MCTP2: variants seen among roughly 807,000 people sequenced by gnomAD.
The protein encoded by MCTP2 is multiple C2 and transmembrane domain containing 2.
A neutral mutation model predicts 111.6 loss-of-function variants in MCTP2; 132 were observed. The observed-to-expected ratio is 1.18, with a 90% CI of 1.03 to 1.37. The LOEUF is 1.37. Among genes scored for constraint, MCTP2 ranks in the 40% most tolerant of loss-of-function variants. The pLI is 0.00. For synonymous variants in MCTP2, 395 were observed against 387.7 expected (o/e 1.02, Z -0.22); for missense variants, 1,183 against 1,067.9 (o/e 1.11, Z -1.50).
Position 94,236,377 on chromosome 15 carries a change from C to CTTT in MCTP2, c.-66+4739_-66+4741dup, listed in dbSNP as rs71132992. On this transcript the variant is annotated intron_variant, in intron 1 of 22. Coordinates refer to ENST00000357742, the MANE Select transcript of MCTP2 (RefSeq NM_001385001.1). ...TATGATTCAATCCTTTCTTTTTTTT[C>CTTT]TTTTTTTTTTTTTTTTTTTTTTTTT... Among the ~76,000 whole-genome samples, 144 of 72,508 alleles carry CTTT rather than the reference C, an allele frequency of 2.0e-3. 11 individuals carry two copies. The highest frequency in any genetic ancestry group is 4.5e-3 in the African/African-American group (86 of 19,020). The allele number at this position is 72,508 out of a possible 152,430, so 47.6% of individuals were successfully genotyped here.
At chr15:94,243,330 C>T (rs1346368233) in intron 1 of MCTP2, among the ~76,000 whole-genome samples, 6 of 139,276 alleles carry the variant, frequency 4.3e-5, no homozygotes, top group Non-Finnish European at 7.8e-5. Flanking sequence ...CATACGTATG[C>T]GTATATGCGT....
At position 94,413,884 on chromosome 15, in the gene MCTP2, A is replaced by G. The variant is rs1030792568; in HGVS notation, c.2085+11865A>G. Among the ~76,000 whole-genome samples the G allele has an allele frequency of 2.0e-5, 3 of 152,168 alleles. No individual in the cohort carries two copies. In the East Asian group the frequency reaches 5.8e-4, roughly 29 times the overall value. On this transcript the variant is annotated intron_variant, in intron 17 of 22. Coordinates refer to ENST00000357742, the MANE Select transcript of MCTP2 (RefSeq NM_001385001.1). ...AGACAGGAGATCTTTCTTTTCTGCT[A>G]GTTAAGGTTCAAGAGTTTTTAAATT...
At chr15:94,313,660 C>T (rs970870229) in intron 2 of MCTP2, among the ~76,000 whole-genome samples, 1 of 151,940 alleles carries the variant, frequency 6.6e-6, no homozygotes, top group Non-Finnish European at 1.5e-5. Flanking sequence ...GAGATCATGC[C>T]ATTGCACTCC....
chr15:94,345,393 A>G (rs1483826316), intron 8 of MCTP2, among the ~76,000 whole-genome samples: 1 of 152,160 alleles, frequency 6.6e-6, no homozygotes, highest in African/African-American at 2.4e-5. Context: ...TTTTATATGT[A>G]CCGGCCATGT....
intron 1 of MCTP2, among the ~76,000 whole-genome samples, chr15:94,245,051 CACAT>C (rs1299518647): frequency 9.4e-5 from 14 of 149,222 alleles, no homozygotes; most frequent in African/African-American, 2.7e-4. Context: ...TATATGTATA[CACAT>C]ACATATGTAC....
At chr15:94,252,948 T>C (rs17547391) in intron 1 of MCTP2, among the ~76,000 whole-genome samples, 6,123 of 152,302 alleles carry the variant, frequency 0.04, 230 homozygotes, top group East Asian at 0.13. Context: ...CATACCTTGC[T>C]TTTCTGGCTT....
intron 14 of MCTP2, among the ~76,000 whole-genome samples, chr15:94,386,337 A>G (rs1019257121): frequency 2.6e-5 from 4 of 152,170 alleles, no homozygotes; most frequent in Non-Finnish European, 5.9e-5. Flanking sequence ...ATTCTTCCCA[A>G]AGACTTATTT....
chr15:94,397,814 G>T (rs1395993707), intron 14 of MCTP2, among the ~76,000 whole-genome samples: 4 of 152,324 alleles, frequency 2.6e-5, no homozygotes, highest in East Asian at 3.9e-4. Context: ...CATGCTGTTA[G>T]ATTTCCTATG....
chr15:94,392,061 A>T (rs557931767), intron 14 of MCTP2, among the ~76,000 whole-genome samples: 13 of 152,288 alleles, frequency 8.5e-5, no homozygotes, highest in African/African-American at 2.9e-4. Flanking sequence ...GGTAAAAAAA[A>T]GATTGAATTA....
At chr15:94,467,387 G>T (rs2073450186) in intron 20 of MCTP2, among the ~76,000 whole-genome samples, 1 of 151,528 alleles carries the variant, frequency 6.6e-6, no homozygotes, top group Non-Finnish European at 1.5e-5. Flanking sequence ...TTAGTTATTT[G>T]TTGTACCTGA....
chr15:94,401,939 A>T lies in MCTP2; in HGVS notation c.2005A>T (p.Met669Leu), dbSNP rs143471122. Residue 669 changes from methionine (M) to leucine (L), a missense_variant, in exon 17 of 23, where the codon ATG becomes TTG. Met to Leu is a conservative substitution (Grantham distance 15). Transcript: ENST00000357742. ...RDVDRVKRIT[M>L]AIWNTMQFLK... ...TGTGGACCGTGTGAAAAGAATCACTATGGCAATATGGAATACAATGCAGTT... is the reference window on the plus strand; with the variant it reads ...TGTGGACCGTGTGAAAAGAATCACTTTGGCAATATGGAATACAATGCAGTT... The T allele has an allele frequency of 4.3e-6, 7 of 1,612,812 alleles. No homozygotes were observed. The highest frequency in any genetic ancestry group is 5.9e-6 in the Non-Finnish European group (7 of 1,179,030).
chr15:94,344,481 G>A (rs2077852235), intron 7 of MCTP2, among the ~76,000 whole-genome samples: 1 of 152,152 alleles, frequency 6.6e-6, no homozygotes, highest in Non-Finnish European at 1.5e-5. Context: ...AGTGATGAGA[G>A]GGTTTTGCTT....
chr15:94,294,875 A>G (rs1397306751), intron 1 of MCTP2, among the ~76,000 whole-genome samples: 3 of 150,026 alleles, frequency 2.0e-5, no homozygotes, highest in African/African-American at 7.4e-5. Context: ...GGAGCCCAGG[A>G]CTGTCTACTT....
chr15:94,465,134 T>C (rs1332112763), intron 20 of MCTP2, among the ~76,000 whole-genome samples: 1 of 152,138 alleles, frequency 6.6e-6, no homozygotes, highest in African/African-American at 2.4e-5. Context: ...TTATTTGGTT[T>C]GTAGATGTTA....
intron 1 of MCTP2, among the ~76,000 whole-genome samples, chr15:94,271,930 G>T (rs1441211421): frequency 2.6e-5 from 4 of 152,162 alleles, no homozygotes; most frequent in Admixed American, 2.0e-4. Flanking sequence ...AGTTGGACAA[G>T]ATTTTGTACT....
At chr15:94,307,933 T>C (rs1446339617) in intron 2 of MCTP2, among the ~76,000 whole-genome samples, 1 of 151,824 alleles carries the variant, frequency 6.6e-6, no homozygotes, top group East Asian at 1.9e-4. Flanking sequence ...CCCAAACACA[T>C]AGGCTGTTTT....
intron 14 of MCTP2, among the ~76,000 whole-genome samples, chr15:94,394,141 G>A (rs11633291): frequency 0.38 from 58,038 of 151,280 alleles, 13,472 homozygotes; most frequent in Non-Finnish European, 0.53. Context: ...CATGATGGTC[G>A]AGAATGTAAA....
intron 17 of MCTP2, among the ~76,000 whole-genome samples, chr15:94,434,124 T>C (rs2083334304): frequency 6.6e-6 from 1 of 151,960 alleles, no homozygotes; most frequent in African/African-American, 2.4e-5. Flanking sequence ...GGTGGGGGGT[T>C]GCTGTCTCAC....
At chr15:94,243,300 T>A (rs1392445574) in intron 1 of MCTP2, among the ~76,000 whole-genome samples, 3 of 138,020 alleles carry the variant, frequency 2.2e-5, no homozygotes, top group Non-Finnish European at 4.7e-5. Flanking sequence ...TATGCATATA[T>A]ACATACATAC....
Sources: allele counts gnomAD v4.1 joint callset (sites outside exome capture counted in the v4.1 genomes callset), GRCh38; gene constraint gnomAD v4.1.1; transcripts MANE v1.5; gene names NCBI Gene and HGNC (gene_info 2026-07-23, HGNC 2026-07-21).